The following ASAP2 variants were observed in gnomAD, a reference collection of about 807,000 sequenced individuals.
ASAP2 encodes arf-GAP with SH3 domain, ANK repeat and PH domain-containing protein 2.
ASAP2 carries 45 observed loss-of-function variants against 131.4 expected under a neutral mutation model. The ratio of observed to expected loss-of-function variants is 0.34; its 90% CI spans 0.27 to 0.44. The LOEUF is 0.44. ASAP2 is among the 20% of genes least tolerant of loss of function. The probability of loss-of-function intolerance (pLI) is 1.00; values close to 1 mark genes in which losing one functional copy is unlikely to be tolerated. For missense variants in ASAP2, 1,011 were observed against 1,297.0 expected, an observed-to-expected ratio of 0.78 and a Z score of 3.39; for synonymous variants, 510 against 503.0, an observed-to-expected ratio of 1.01 and a Z score of -0.19.
intron 8 of ASAP2, 33 bp from the exon 9 acceptor site, chr2:9,335,060 G>T (rs376176576): frequency 1.2e-6 from 2 of 1,600,562 alleles, no homozygotes; most frequent in Non-Finnish European, 8.6e-7. Flanking sequence ...TTAATTTTCT[G>T]ATTGGTTCTG....
chr2:9,320,624 T>C (rs1016454560), intron 5 of ASAP2, among the ~76,000 whole-genome samples: 2 of 152,176 alleles, frequency 1.3e-5, no homozygotes, highest in Admixed American at 6.5e-5. Flanking sequence ...TCTTAGGAGG[T>C]ATTTCTTTCT....
At chr2:9,231,555 C>G (rs1298489798) in intron 1 of ASAP2, among the ~76,000 whole-genome samples, 4 of 152,170 alleles carry the variant, frequency 2.6e-5, no homozygotes, top group African/African-American at 7.2e-5. Flanking sequence ...GTGTGCATGC[C>G]CATTGAGATG....
At chr2:9,345,950 G>A (rs1671935082) in intron 11 of ASAP2, among the ~76,000 whole-genome samples, 1 of 151,954 alleles carries the variant, frequency 6.6e-6, no homozygotes, top group Non-Finnish European at 1.5e-5. Flanking sequence ...GGAGAGAGGA[G>A]CTAGAATAGT....
chr2:9,400,440 C>T (rs1354422617), intron 25 of ASAP2, among the ~76,000 whole-genome samples: 1 of 133,578 alleles, frequency 7.5e-6, no homozygotes, highest in Non-Finnish European at 1.6e-5. Context: ...CCTTCCTCCT[C>T]CCTCCTCCCT....
At chr2:9,276,611 C>G (rs1392533820) in intron 1 of ASAP2, among the ~76,000 whole-genome samples, 1 of 151,946 alleles carries the variant, frequency 6.6e-6, no homozygotes, top group Non-Finnish European at 1.5e-5. Flanking sequence ...AATCTTGGCT[C>G]ACTGCAACCT....
At chr2:9,387,010 T>C (rs553737798) in intron 21 of ASAP2, among the ~76,000 whole-genome samples, 5 of 150,110 alleles carry the variant, frequency 3.3e-5, no homozygotes, top group Admixed American at 6.6e-5. Context: ...TGAGACCATC[T>C]TGGCTAACAC....
intron 21 of ASAP2, 71 bp from the exon 22 acceptor site, chr2:9,388,221 CCT>C: frequency 3.2e-6 from 5 of 1,584,188 alleles, no homozygotes; most frequent in Non-Finnish European, 4.3e-6. Flanking sequence ...GGTTTTCACC[CCT>C]GTGTTGAATG....
At chr2:9,334,100 G>A (rs1671028938) in intron 7 of ASAP2, among the ~76,000 whole-genome samples, 1 of 127,180 alleles carries the variant, frequency 7.9e-6, no homozygotes, top group Non-Finnish European at 1.6e-5. Flanking sequence ...AGGCCAGAAT[G>A]CAGTGGCATG....
intron 1 of ASAP2, among the ~76,000 whole-genome samples, chr2:9,208,464 G>GA (rs930621144): frequency 3.1e-4 from 38 of 124,258 alleles, no homozygotes; most frequent in Admixed American, 6.1e-4. Flanking sequence ...GGAATTGCTT[G>GA]AAAAAAAATC....
At chr2:9,334,132 C>T (rs1671031739) in intron 7 of ASAP2, among the ~76,000 whole-genome samples, 1 of 147,662 alleles carries the variant, frequency 6.8e-6, no homozygotes, top group African/African-American at 2.5e-5. Context: ...CTGCAACCTC[C>T]ACCTCCTGGG....
rs1267268275 is a variant in ASAP2 at position 9,401,348 on chromosome 2, C to T, written c.2898C>T (p.Ser966=). The change falls in exon 27 of 28, where the codon TCC becomes TCT. Residue 966 remains serine, a synonymous_variant. Coordinates refer to ENST00000281419, the MANE Select transcript of ASAP2 (RefSeq NM_003887.3). ...VADNPDELTF[S]EGDVIIVDGE... is the part of the protein sequence containing the mutation. ...ACAACCCCGATGAGCTCACCTTCTC[C>T]GAGGGGGATGTGATCATCGTGGACG... is the stretch of plus-strand genomic sequence containing the variant. 5.0e-6 allele frequency: 8 copies of T among 1,613,518 alleles called. No individual in the cohort carries two copies. Among genetic ancestry groups the T allele is most frequent in the East Asian group, 2.2e-5 (1 of 44,858 alleles).
At chr2:9,310,808 T>C (rs1669246647) in intron 3 of ASAP2, among the ~76,000 whole-genome samples, 1 of 152,166 alleles carries the variant, frequency 6.6e-6, no homozygotes, top group Non-Finnish European at 1.5e-5. Flanking sequence ...TAAAAAATAT[T>C]AGGAAGGACA....
At chr2:9,377,064 C>T in intron 18 of ASAP2, 71 bp downstream of exon 18, 1 of 1,331,500 alleles carries the variant, frequency 7.5e-7, no homozygotes, top group South Asian at 1.2e-5. Context: ...TCGGACGCTG[C>T]CTCATCGCTT....
At chr2:9,356,798 A>G (rs1672737412) in intron 14 of ASAP2, among the ~76,000 whole-genome samples, 1 of 152,140 alleles carries the variant, frequency 6.6e-6, no homozygotes. Context: ...TGCTTTGTTA[A>G]ACATCGATTT....
chr2:9,388,586 T>A, intron 22 of ASAP2, 40 bp downstream of exon 22: 1 of 1,582,176 alleles, frequency 6.3e-7, no homozygotes, highest in African/African-American at 1.4e-5. Flanking sequence ...ATATAGAGGG[T>A]CTTGTTTTGT....
chr2:9,344,926 A>G, intron 11 of ASAP2, 126 bp downstream of exon 11: 1 of 708,222 alleles, frequency 1.4e-6, no homozygotes, highest in Non-Finnish European at 2.2e-6. Context: ...TGTCTTAGAG[A>G]ATTTCCCTGT....
At position 9,206,970 on chromosome 2, in the gene ASAP2, G is replaced by T; in HGVS notation, c.-135G>T. On this transcript the variant is annotated 5_prime_UTR_variant, in exon 1 of 28. Transcript: ENST00000281419. This position sits in a 1 kb window ranked among gnomAD's most constrained non-coding sequence, Gnocchi z 4.0. Reference sequence around the variant, plus strand: ...CCGCCAGGCCCCGCGCGGCTCCCGCGCCCGGCGCTCCCCTTTGTCCGCGGG... The same window carrying T: ...CCGCCAGGCCCCGCGCGGCTCCCGCTCCCGGCGCTCCCCTTTGTCCGCGGG... The T allele has an allele frequency of 1.1e-6, 1 of 880,068 alleles. No individual in the cohort carries two copies. Among genetic ancestry groups the T allele is most frequent in the Non-Finnish European group, 1.4e-6 (1 of 734,192 alleles). The allele number at this position is 880,068 out of a possible 1,614,324, so 54.5% of individuals were successfully genotyped here.
intron 15 of ASAP2, among the ~76,000 whole-genome samples, chr2:9,366,430 T>G (rs1186842960): frequency 6.6e-6 from 1 of 152,160 alleles, no homozygotes; most frequent in East Asian, 1.9e-4. Context: ...GGAAAACCAT[T>G]GTGCTCACCT....
chr2:9,344,837 TTAGGTGAGG>T, intron 11 of ASAP2, 37 bp downstream of exon 11: 1 of 1,578,364 alleles, frequency 6.3e-7, no homozygotes, highest in Non-Finnish European at 8.7e-7. Flanking sequence ...GTCTGCTGTA[TTAGGTGAGG>T]TTGGTGTTGG....
Sources: gnomAD v4.1 joint callset for allele counts (sites outside exome capture counted in the v4.1 genomes callset) on GRCh38, gnomAD v4.1.1 for gene constraint, Gnocchi (gnomAD v3.1) non-coding constraint, MANE v1.5 for transcripts, NCBI Gene and HGNC (gene_info 2026-07-23, HGNC 2026-07-21) for gene names.